The following PIP5K1A variants were observed in gnomAD, a reference collection of about 807,000 sequenced individuals.
The protein encoded by PIP5K1A is phosphatidylinositol-4-phosphate 5-kinase type 1 alpha.
Under a neutral mutation model 72.9 loss-of-function variants are expected in PIP5K1A, and 46 were observed. That is an observed-to-expected ratio of 0.63 (90% CI 0.50 to 0.81). The LOEUF (loss-of-function observed/expected upper bound fraction) is 0.81. Ranked by LOEUF, PIP5K1A falls within the 30% of genes least tolerant of loss-of-function variation. PIP5K1A has a pLI of 0.00. For missense variants in PIP5K1A, 458 were observed against 706.1 expected (o/e 0.65, Z 3.98); for synonymous variants, 228 against 255.1 (o/e 0.89, Z 1.01).
chr1:151,222,722 C>G (rs1185376767), intron 1 of PIP5K1A, among the ~76,000 whole-genome samples: 1 of 152,106 alleles, frequency 6.6e-6, no homozygotes, highest in Non-Finnish European at 1.5e-5. Flanking sequence ...TTTTTATTTT[C>G]AACTGAAAGC....
At chr1:151,241,591 A>G (rs1473876281) in intron 12 of PIP5K1A, among the ~76,000 whole-genome samples, 1 of 151,930 alleles carries the variant, frequency 6.6e-6, no homozygotes, top group Non-Finnish European at 1.5e-5. Context: ...ACCTGAGGTC[A>G]AGAGTTCGAG....
chr1:151,214,767 A>C lies in PIP5K1A; in HGVS notation c.86-9478A>C, dbSNP rs587750421. On this transcript the variant is annotated intron_variant, in intron 1 of 15. Coordinates refer to ENST00000368888, the MANE Select transcript of PIP5K1A (RefSeq NM_001135638.2). The stretch of plus-strand genomic sequence containing the variant: ...ACCTTGTGACTGTCGCCCAGGTTGG[A>C]GCGCAATGGTGTGATCTTGGCTCAC... Among the ~76,000 whole-genome samples the C allele has an allele frequency of 6.2e-4, 95 of 152,186 alleles. No homozygotes were observed. In the South Asian group the frequency reaches 8.1e-3, roughly 13 times the overall value.
In PIP5K1A at chr1:151,222,283, A is replaced by G. The variant is rs587660973; in HGVS notation, c.86-1962A>G. Among the ~76,000 whole-genome samples, 5 of 152,266 alleles carry G rather than the reference A, an allele frequency of 3.3e-5. No individual in the cohort carries two copies. The East Asian group carries it at 9.6e-4, about 29-fold the overall frequency. On this transcript the variant is annotated intron_variant, in intron 1 of 15. Transcript: ENST00000368888. ...TCTGAGTGTTATTACTTAGACCCTA[A>G]TAGCATCATCACCCTGCGTGCTCTT...
At chr1:151,240,620 C>T (rs1190143619) in intron 12 of PIP5K1A, among the ~76,000 whole-genome samples, 1 of 152,090 alleles carries the variant, frequency 6.6e-6, no homozygotes, top group African/African-American at 2.4e-5. Flanking sequence ...CTAGGCATGC[C>T]AGTCTTAAGG....
At chr1:151,216,935 CGG>C (rs1483221842) in intron 1 of PIP5K1A, among the ~76,000 whole-genome samples, 100,913 of 143,048 alleles carry the variant, frequency 0.71, 34,238 homozygotes, top group Middle Eastern at 0.76. Context: ...TTTTTTGAGA[CGG>C]AGTCTCGCTC....
At chr1:151,213,861 A>G (rs1218217665) in intron 1 of PIP5K1A, among the ~76,000 whole-genome samples, 1 of 152,182 alleles carries the variant, frequency 6.6e-6, no homozygotes, top group African/African-American at 2.4e-5. Flanking sequence ...ATTATGTAAC[A>G]TACACATTAA....
intron 15 of PIP5K1A, 146 bp from the exon 16 acceptor site, chr1:151,247,717 C>T (rs1023250330): frequency 5.3e-5 from 34 of 645,230 alleles, no homozygotes; most frequent in Non-Finnish European, 8.9e-5. Context: ...AGCCACCATG[C>T]GCGGCCGCCA....
rs902662819 is a variant in PIP5K1A at position 151,235,145 on chromosome 1, C to T, written c.939+649C>T. Among the ~76,000 whole-genome samples, 8 of 152,144 alleles carry T rather than the reference C, an allele frequency of 5.3e-5. No homozygotes were observed. In the East Asian group the frequency reaches 7.7e-4, roughly 15 times the overall value. ...TCACCCAGGCTGGAGTGCAATGGCA[C>T]GATCTCGGCTCACTGCAATTTCCAC... On this transcript the variant is annotated intron_variant, in intron 8 of 15. Coordinates refer to ENST00000368888, the MANE Select transcript of PIP5K1A (RefSeq NM_001135638.2).
intron 9 of PIP5K1A, 21 bp downstream of exon 9, chr1:151,236,784 T>G (rs1295296601): frequency 3.4e-6 from 5 of 1,490,234 alleles, no homozygotes; most frequent in Non-Finnish European, 4.7e-6. Context: ...TCAGGGCCAC[T>G]AGGGGGGAGA....
chr1:151,239,098 A>G (rs752846893), intron 10 of PIP5K1A, 32 bp from the exon 11 acceptor site: 2 of 1,537,762 alleles, frequency 1.3e-6, no homozygotes. Flanking sequence ...TTTAAAAATG[A>G]CGTGAGTAGG....
At chr1:151,195,633 C>T (rs1388784565), upstream of PIP5K1A, among the ~76,000 whole-genome samples, 1 of 151,742 alleles carries the variant, frequency 6.6e-6, no homozygotes, top group Non-Finnish European at 1.5e-5. Context: ...TGCCTGTAGT[C>T]CCAGCTACTC....
chr1:151,235,228 G>A (rs757312372), intron 8 of PIP5K1A, among the ~76,000 whole-genome samples: 1 of 152,038 alleles, frequency 6.6e-6, no homozygotes, highest in African/African-American at 2.4e-5. Context: ...GATTACAGGC[G>A]CCCATCACCA....
At chr1:151,215,108 G>T (rs920559140) in intron 1 of PIP5K1A, among the ~76,000 whole-genome samples, 1 of 142,112 alleles carries the variant, frequency 7.0e-6, no homozygotes, top group Non-Finnish European at 1.5e-5. Flanking sequence ...TCAGCTCACT[G>T]TATCCTCCGC....
intron 1 of PIP5K1A, among the ~76,000 whole-genome samples, chr1:151,203,995 T>C (rs757959536): frequency 6.6e-6 from 1 of 152,074 alleles, no homozygotes; most frequent in Non-Finnish European, 1.5e-5. Flanking sequence ...CCTGACTTTT[T>C]CTCCCCCTTA....
upstream of PIP5K1A, among the ~76,000 whole-genome samples, chr1:151,198,362 G>A (rs975805112): frequency 9.9e-5 from 15 of 152,032 alleles, no homozygotes; most frequent in African/African-American, 3.6e-4. Flanking sequence ...CTGAACCTAA[G>A]AGGACCTGCC....
chr1:151,239,255 AT>A (rs1553302662), intron 11 of PIP5K1A, 77 bp downstream of exon 11: 2 of 939,618 alleles, frequency 2.1e-6, no homozygotes, highest in South Asian at 3.1e-5. Context: ...GTTTCTTGCA[AT>A]TTTTTCTTTT....
In PIP5K1A at chr1:151,237,794, C is replaced by G. The variant is rs75630445; in HGVS notation, c.1146-388C>G. On this transcript the variant is annotated intron_variant, in intron 9 of 15. Coordinates refer to ENST00000368888, the MANE Select transcript of PIP5K1A (RefSeq NM_001135638.2). ...TTTTAAGGTATCCTGTAATATGACTCTCAAGAAGAGTGTCTTAGTGGGCAT... is the reference window on the plus strand; with the variant it reads ...TTTTAAGGTATCCTGTAATATGACTGTCAAGAAGAGTGTCTTAGTGGGCAT... Among the ~76,000 whole-genome samples the G allele has an allele frequency of 9.3e-3, 1,416 of 152,184 alleles. 24 individuals are homozygous for G. The highest frequency in any genetic ancestry group is 0.032 in the African/African-American group (1,332 of 41,494).
At chr1:151,210,009 G>A (rs587724901) in intron 1 of PIP5K1A, among the ~76,000 whole-genome samples, 12 of 151,698 alleles carry the variant, frequency 7.9e-5, no homozygotes, top group African/African-American at 7.3e-5. Context: ...TCTGCCTCTC[G>A]AGTAGCTGGG....
At chr1:151,236,313 T>A (rs113767477) in intron 8 of PIP5K1A, among the ~76,000 whole-genome samples, 32 of 151,544 alleles carry the variant, frequency 2.1e-4, no homozygotes, top group African/African-American at 7.7e-4. Context: ...ACCGTCTCTA[T>A]GAAAAATAAA....
Sources: gnomAD v4.1 joint callset for allele counts (sites outside exome capture counted in the v4.1 genomes callset) on GRCh38, gnomAD v4.1.1 for gene constraint, MANE v1.5 for transcripts, NCBI Gene and HGNC (gene_info 2026-07-23, HGNC 2026-07-21) for gene names.